The following NCAM2 variants were observed in gnomAD, a reference collection of about 807,000 sequenced individuals.
NCAM2 encodes the protein N-CAM-2.
Under a neutral mutation model 98.1 loss-of-function variants are expected in NCAM2, and 30 were observed. The ratio of observed to expected loss-of-function variants is 0.31; its 90% CI spans 0.23 to 0.41. NCAM2 has a LOEUF of 0.41. NCAM2 is among the 10% of genes least tolerant of loss of function. The pLI is 1.00. For synonymous variants in NCAM2, 368 were observed against 342.4 expected, an observed-to-expected ratio of 1.07 and a Z score of -0.83; for missense variants, 867 against 1,005.8, an observed-to-expected ratio of 0.86 and a Z score of 1.87.
intron 1 of NCAM2, among the ~76,000 whole-genome samples, chr21:21,088,870 G>C (rs566893258): frequency 1.8e-4 from 27 of 152,028 alleles, no homozygotes; most frequent in African/African-American, 6.0e-4. Flanking sequence ...TACTCGGGAG[G>C]CTGAGGCAGG....
chr21:21,450,793 T>TGTATGTATGTATACAC (rs751489970), intron 12 of NCAM2, among the ~76,000 whole-genome samples: 2 of 143,532 alleles, frequency 1.4e-5, no homozygotes, highest in African/African-American at 5.3e-5. Context: ...TATGTATGTA[T>TGTATGTATGTATACAC]ACACACACAC....
intron 1 of NCAM2, among the ~76,000 whole-genome samples, chr21:21,145,594 T>C (rs1208193855): frequency 6.6e-6 from 1 of 152,126 alleles, no homozygotes; most frequent in Non-Finnish European, 1.5e-5. Context: ...AAGTAGTCTA[T>C]AAATCTGTAT....
At chr21:21,078,215 A>C (rs1054043073) in intron 1 of NCAM2, among the ~76,000 whole-genome samples, 2 of 152,316 alleles carry the variant, frequency 1.3e-5, no homozygotes, top group East Asian at 3.9e-4. Flanking sequence ...TTAGGGAAAA[A>C]TATAGTGCAT....
At chr21:21,030,691 TGA>T (rs1430521147) in intron 1 of NCAM2, among the ~76,000 whole-genome samples, 3 of 152,188 alleles carry the variant, frequency 2.0e-5, no homozygotes, top group African/African-American at 4.8e-5. Flanking sequence ...CCTTTTAAAA[TGA>T]GTGGTATTAA....
chr21:21,481,966 C>T (rs1985927072), intron 15 of NCAM2, among the ~76,000 whole-genome samples: 1 of 151,888 alleles, frequency 6.6e-6, no homozygotes, highest in South Asian at 2.1e-4. Context: ...GGCATGGTGA[C>T]ACCCGCCTGT....
intron 17 of NCAM2, among the ~76,000 whole-genome samples, chr21:21,537,531 A>T (rs1990045523): frequency 1.3e-5 from 2 of 152,220 alleles, no homozygotes; most frequent in South Asian, 4.1e-4. Context: ...CCCTATAGTG[A>T]GCAATTTGGT....
chr21:21,343,902 G>A (rs961925752), intron 8 of NCAM2, among the ~76,000 whole-genome samples: 1 of 152,120 alleles, frequency 6.6e-6, no homozygotes, highest in Non-Finnish European at 1.5e-5. Context: ...GTGACATACA[G>A]ATACACCAGC....
Position 21,541,840 on chromosome 21 carries a change from T to A in NCAM2, c.*3883T>A, listed in dbSNP as rs987685381. ...CCATGAAGTTTTTTCATGCTCATAC[T>A]CATAATCATTATCACATAATGTGCT... On this transcript the variant is annotated 3_prime_UTR_variant, in exon 18 of 18. Transcript: ENST00000400546. The A allele has an allele frequency of 6.6e-6, 1 of 151,842 alleles. No homozygotes were observed. Among genetic ancestry groups the A allele is most frequent in the Non-Finnish European group, 1.5e-5 (1 of 67,804 alleles). The allele number at this position is 151,842 out of a possible 1,614,324, so 9.4% of individuals were successfully genotyped here.
chr21:21,232,390 TAAA>T (rs2070665741), intron 1 of NCAM2, among the ~76,000 whole-genome samples: 1 of 151,596 alleles, frequency 6.6e-6, no homozygotes, highest in Non-Finnish European at 1.5e-5. Context: ...ATCCTATTTA[TAAA>T]AACATTGAAT....
At chr21:21,051,210 A>C (rs1409793256) in intron 1 of NCAM2, among the ~76,000 whole-genome samples, 1 of 152,192 alleles carries the variant, frequency 6.6e-6, no homozygotes, top group Non-Finnish European at 1.5e-5. Context: ...TAAAAACCTG[A>C]CCATCTCAGA....
At chr21:21,306,443 C>A (rs1342522770) in intron 5 of NCAM2, among the ~76,000 whole-genome samples, 1 of 152,094 alleles carries the variant, frequency 6.6e-6, no homozygotes, top group Admixed American at 6.6e-5. Context: ...TCTGTTTATT[C>A]CGGATAATAT....
Position 21,265,039 on chromosome 21 carries a change from G to GTGTCTGTGTATATATA in NCAM2, c.56-15538_56-15537insGTCTGTGTATATATAT, listed in dbSNP as rs1568855457. On this transcript the variant is annotated intron_variant, in intron 1 of 17. Transcript: ENST00000400546. Reference sequence around the variant, plus strand: ...ATTATATATGTGTCTGTGTATATATGTACACATATATACTATATATGTGTA... The same window carrying GTGTCTGTGTATATATA: ...ATTATATATGTGTCTGTGTATATATGTGTCTGTGTATATATATACACATATATACTATATATGTGTA... Among the ~76,000 whole-genome samples, 4 of 44,836 alleles carry GTGTCTGTGTATATATA rather than the reference G, an allele frequency of 8.9e-5. 1 individual carries two copies. The highest frequency in any genetic ancestry group is 2.9e-4 in the Admixed American group (1 of 3,460). The allele number at this position is 44,836 out of a possible 152,430, so 29.4% of individuals were successfully genotyped here.
chr21:21,376,377 T>A (rs758815833), intron 9 of NCAM2, among the ~76,000 whole-genome samples: 1 of 151,824 alleles, frequency 6.6e-6, no homozygotes, highest in Non-Finnish European at 1.5e-5. Context: ...GGTTTTGTGC[T>A]GAGTGATAAT....
chr21:21,112,662 A>G (rs1017578435), intron 1 of NCAM2, among the ~76,000 whole-genome samples: 1 of 152,130 alleles, frequency 6.6e-6, no homozygotes, highest in Non-Finnish European at 1.5e-5. Context: ...TGAAGAGAAA[A>G]CTTTTATCGG....
At position 20,998,471 on chromosome 21, in the gene NCAM2, G is replaced by A. The variant is rs968382814; in HGVS notation, c.-93G>A. ...GGGCACCGCGGGAGCGGCGGCGGCG[G>A]CTCTAGCAGAGGCGGCCGGGGCAGC... On this transcript the variant is annotated 5_prime_UTR_variant, in exon 1 of 18. Transcript: ENST00000400546. 2 of 1,313,854 alleles carry A rather than the reference G, an allele frequency of 1.5e-6. No homozygotes were observed. The highest frequency in any genetic ancestry group is 2.1e-6 in the Non-Finnish European group (2 of 947,774). The allele number at this position is 1,313,854 out of a possible 1,614,324, so 81.4% of individuals were successfully genotyped here.
intron 1 of NCAM2, among the ~76,000 whole-genome samples, chr21:21,009,359 A>G (rs2095424955): frequency 6.6e-6 from 1 of 152,116 alleles, no homozygotes; most frequent in Non-Finnish European, 1.5e-5. Flanking sequence ...AAAATAATAA[A>G]GTCATAGTTA....
intron 1 of NCAM2, among the ~76,000 whole-genome samples, chr21:21,038,887 C>G (rs2064849230): frequency 6.6e-6 from 1 of 152,164 alleles, no homozygotes; most frequent in African/African-American, 2.4e-5. Flanking sequence ...ATGGCAGAAC[C>G]TCTTTCTTCT....
At chr21:21,156,046 T>C (rs530955370) in intron 1 of NCAM2, among the ~76,000 whole-genome samples, 3 of 152,116 alleles carry the variant, frequency 2.0e-5, no homozygotes, top group Non-Finnish European at 4.4e-5. Context: ...AGTCATACTG[T>C]CTGCTTCCTG....
intron 8 of NCAM2, among the ~76,000 whole-genome samples, chr21:21,361,195 A>G (rs558214469): frequency 6.6e-6 from 1 of 152,044 alleles, no homozygotes; most frequent in South Asian, 2.1e-4. Context: ...GATCATTACC[A>G]TAACTTTTAA....
Sources: allele counts gnomAD v4.1 joint callset (sites outside exome capture counted in the v4.1 genomes callset), GRCh38; gene constraint gnomAD v4.1.1; transcripts MANE v1.5; gene names NCBI Gene and HGNC (gene_info 2026-07-23, HGNC 2026-07-21).